Variants in RFX2 observed in about 807,000 individuals in gnomAD.
The protein encoded by RFX2 is DNA-binding protein RFX2.
Under a neutral mutation model 87.8 loss-of-function variants are expected in RFX2, and 20 were observed. The ratio of observed to expected loss-of-function variants is 0.23; its 90% CI spans 0.16 to 0.33. The LOEUF (loss-of-function observed/expected upper bound fraction) is 0.33. RFX2 is among the 10% of genes least tolerant of loss of function. RFX2 has a pLI of 1.00. For synonymous variants in RFX2, 397 were observed against 431.3 expected (o/e 0.92, Z 0.98); for missense variants, 767 against 1,012.3 (o/e 0.76, Z 3.29).
chr19:6,089,901 A>T (rs557266916), intron 1 of RFX2, among the ~76,000 whole-genome samples: 52 of 152,300 alleles, frequency 3.4e-4, no homozygotes, highest in African/African-American at 1.2e-3. Flanking sequence ...TGTGGATTAG[A>T]GAAAATTATT....
chr19:6,040,009 C>T lies in RFX2; in HGVS notation c.493G>A (p.Ala165Thr). 1.2e-6 allele frequency: 2 copies of T among 1,600,064 alleles called. No individual in the cohort carries two copies. The highest frequency in any genetic ancestry group is 1.7e-6 in the Non-Finnish European group (2 of 1,172,688). ...GCGGGCGATGAGCGGGAGGTGTGGG[C>T]CAGGGAGTGTCTGGTGCTGTCCATC... Reference protein sequence around the residue: ...GGMDSTRHSLAHTSRSSPATL... With the variant: ...GGMDSTRHSLTHTSRSSPATL... The change falls in exon 5 of 18, where the codon GCC (alanine) becomes ACC (threonine). Residue 165 changes from alanine to threonine, a missense_variant. Ala to Thr is a moderately conservative substitution (Grantham distance 58). Around this residue, in one of 2 missense-constraint regions of RFX2, gnomAD observed 621 missense variants for 873.0 expected, o/e 0.71. Coordinates refer to ENST00000303657, the MANE Select transcript of RFX2 (RefSeq NM_000635.4). This position sits in a 1 kb window ranked among gnomAD's most constrained non-coding sequence, Gnocchi z 6.1.
rs927662582 is a variant in RFX2, at chr19:6,016,226, G to T, written c.643C>A (p.Leu215Ile). 7.4e-6 allele frequency: 12 copies of T among 1,612,452 alleles called. No individual in the cohort carries two copies. The Admixed American group carries it at 1.3e-4, about 18-fold the overall frequency. Reference protein sequence around the residue: ...DNYETAEGVSLPRSSLYNHYL... With the variant: ...DNYETAEGVSIPRSSLYNHYL... ...TGGTTGTAAAGAGAACTTCTGGGGA[G>T]ACTCACACCTTCCGCTGTTTCATAA... The change falls in exon 7 of 18, where the codon CTC becomes ATC. Residue 215 changes from leucine to isoleucine, a missense_variant. Physicochemically the swap from Leu to Ile is conservative, Grantham distance 5. Transcript: ENST00000303657. This position sits in a 1 kb window ranked among gnomAD's most constrained non-coding sequence, Gnocchi z 5.4.
rs1411295402 is a variant in RFX2 at position 6,040,424 on chromosome 19, A to G, written c.261-183T>C. Among the ~76,000 whole-genome samples, 1 of 152,204 alleles carries G rather than the reference A, an allele frequency of 6.6e-6. No homozygotes were observed. Among genetic ancestry groups the G allele is most frequent in the Non-Finnish European group, 1.5e-5 (1 of 68,034 alleles). ...GCAAGTTCACAGCCACCATGTTGCAAAATCTTTAGGACCACAGGCTGACTT... is the reference window on the plus strand; with the variant it reads ...GCAAGTTCACAGCCACCATGTTGCAGAATCTTTAGGACCACAGGCTGACTT... On this transcript the variant is annotated intron_variant, in intron 4 of 17. Transcript: ENST00000303657. This position sits in a 1 kb window ranked among gnomAD's most constrained non-coding sequence, Gnocchi z 6.1.
rs2086378070 is a variant in RFX2, at chr19:5,994,635, A to G, written c.*200T>C. 1 of 581,118 alleles carries G rather than the reference A, an allele frequency of 1.7e-6. No homozygotes were observed. Among genetic ancestry groups the G allele is most frequent in the South Asian group, 2.0e-5 (1 of 48,892 alleles). The allele number at this position is 581,118 out of a possible 1,614,324, so 36.0% of individuals were successfully genotyped here. On this transcript the variant is annotated 3_prime_UTR_variant, in exon 18 of 18. Transcript: ENST00000303657. ...GGGGACCCAGAGCACAGCTACAGCC[A>G]GTGGGAGCCCTGGCCTGGGCTTCTG... is the stretch of plus-strand genomic sequence containing the variant.
At position 6,010,382 on chromosome 19, in the gene RFX2, A is replaced by G. The variant is rs1285497109; in HGVS notation, c.900-131T>C. 3.1e-6 allele frequency: 2 copies of G among 639,614 alleles called. No individual in the cohort carries two copies. The highest frequency in any genetic ancestry group is 5.7e-6 in the Non-Finnish European group (2 of 353,750). 39.6% of individuals were successfully genotyped at this position (639,614 alleles called of 1,614,324 possible). A position where few individuals can be genotyped will look rare whatever the true frequency, so the allele number is the denominator to read the frequency against. ...GTTTACAAGTTGCGGTCAAATACAC[A>G]TAACACAAAAGCTACCATCGGAACC... On this transcript the variant is annotated intron_variant, in intron 8 of 17. Coordinates refer to ENST00000303657, the MANE Select transcript of RFX2 (RefSeq NM_000635.4). The surrounding 1 kb of genome is among the most constrained non-coding windows in gnomAD (Gnocchi z 5.0).
chr19:6,041,162 G>A (rs1389396380), intron 4 of RFX2, among the ~76,000 whole-genome samples: 1 of 152,090 alleles, frequency 6.6e-6, no homozygotes, highest in Non-Finnish European at 1.5e-5. Context: ...TCAGCCTCCT[G>A]AGCTCAAGTG....
chr19:6,055,537 C>T (rs1045033574), intron 1 of RFX2, among the ~76,000 whole-genome samples: 3 of 152,212 alleles, frequency 2.0e-5, no homozygotes. Context: ...GATTCTCCCA[C>T]TTCAGCCTCC....
rs752998185 is a variant in RFX2 at position 6,039,962 on chromosome 19, C to T, written c.522+18G>A. The T allele has an allele frequency of 7.1e-6, 11 of 1,539,258 alleles. No homozygotes were observed. Among genetic ancestry groups the T allele is most frequent in the Non-Finnish European group, 8.8e-7 (1 of 1,134,316 alleles). On this transcript the variant is annotated intron_variant, in intron 5 of 17. Transcript: ENST00000303657. This position sits in a 1 kb window ranked among gnomAD's most constrained non-coding sequence, Gnocchi z 5.2. ...TACTCATGGCCTACCCTGCTGGTCCCAAGAGCCTCCTACATACCGTGGCGG... is the reference window on the plus strand; with the variant it reads ...TACTCATGGCCTACCCTGCTGGTCCTAAGAGCCTCCTACATACCGTGGCGG...
intron 5 of RFX2, among the ~76,000 whole-genome samples, chr19:6,038,053 G>A (rs556393453): frequency 5.3e-5 from 8 of 152,106 alleles, no homozygotes; most frequent in South Asian, 4.1e-4. Flanking sequence ...ATGGTCAGGC[G>A]CGGTGGCTCA....
chr19:6,070,035 G>A (rs1226377239), intron 1 of RFX2, among the ~76,000 whole-genome samples: 1 of 41,412 alleles, frequency 2.4e-5, no homozygotes, highest in South Asian at 1.4e-3. Context: ...ATGTGGATAG[G>A]ATGGGATGGG....
In RFX2 at chr19:6,044,169, C is replaced by T. The variant is rs373731041; in HGVS notation, c.180+24G>A. On this transcript the variant is annotated intron_variant, in intron 3 of 17. Transcript: ENST00000303657. The surrounding 1 kb of genome is among the most constrained non-coding windows in gnomAD (Gnocchi z 5.3). The stretch of plus-strand genomic sequence containing the variant: ...AGTGCTAACTGCGCCCCGGTTTGCA[C>T]GGTGCTGCGGTGCTTGTCATTACCT... 3.6e-5 allele frequency: 50 copies of T among 1,394,726 alleles called. No individual in the cohort carries two copies. The highest frequency in any genetic ancestry group is 2.6e-4 in the Admixed American group (9 of 34,048). The allele number at this position is 1,394,726 out of a possible 1,614,324, so 86.4% of individuals were successfully genotyped here.
Position 6,013,072 on chromosome 19 carries a change from A to G in RFX2, c.813T>C (p.Arg271=). Reference sequence around the variant, plus strand: ...GGTTCAGTGGTGAGTCCGGCTTCAGACGAATCCCATAGTAATGGTACTTCG... The same window carrying G: ...GGTTCAGTGGTGAGTCCGGCTTCAGGCGAATCCCATAGTAATGGTACTTCG... ...GNSKYHYYGI[R]LKPDSPLNRL... Residue 271 remains arginine (R), a synonymous_variant, in exon 8 of 18, where the codon CGT becomes CGC. Transcript: ENST00000303657. This position sits in a 1 kb window ranked among gnomAD's most constrained non-coding sequence, Gnocchi z 4.1. 6.2e-7 allele frequency: 1 copy of G among 1,600,214 alleles called. No homozygotes were observed. The highest frequency in any genetic ancestry group is 8.5e-7 in the Non-Finnish European group (1 of 1,173,854).
rs568988115 is a variant in RFX2 at position 6,064,913 on chromosome 19, C to T, written c.-8-17409G>A. Among the ~76,000 whole-genome samples the T allele has an allele frequency of 6.6e-6, 1 of 152,134 alleles. No homozygotes were observed. The highest frequency in any genetic ancestry group is 1.5e-5 in the Non-Finnish European group (1 of 68,024). On this transcript the variant is annotated intron_variant, in intron 1 of 17. Transcript: ENST00000303657. This position sits in a 1 kb window ranked among gnomAD's most constrained non-coding sequence, Gnocchi z 4.8. ...CATCTAAAACCACAGCATGGAGAGG[C>T]CCCTTTAAAAACCACCTAACCCAGC... is the stretch of plus-strand genomic sequence containing the variant.
intron 4 of RFX2, among the ~76,000 whole-genome samples, chr19:6,041,606 C>CTT (rs11363444): frequency 4.8e-4 from 68 of 140,494 alleles, no homozygotes; most frequent in Non-Finnish European, 7.7e-4. Context: ...TAGGATTAGC[C>CTT]TTTTTTTTTT....
In RFX2 at chr19:6,039,653, A is replaced by C. The variant is rs749998166; in HGVS notation, c.522+327T>G. Reference sequence around the variant, plus strand: ...ACGCCTCTAAAAGCTTGATAGTAACAACGATAACAATAATAAGAGCAAAGG... The same window carrying C: ...ACGCCTCTAAAAGCTTGATAGTAACCACGATAACAATAATAAGAGCAAAGG... On this transcript the variant is annotated intron_variant, in intron 5 of 17. Coordinates refer to ENST00000303657, the MANE Select transcript of RFX2 (RefSeq NM_000635.4). The surrounding 1 kb of genome is among the most constrained non-coding windows in gnomAD (Gnocchi z 5.2). Among the ~76,000 whole-genome samples the C allele has an allele frequency of 5.3e-5, 8 of 152,184 alleles. No individual in the cohort carries two copies. Among genetic ancestry groups the C allele is most frequent in the Non-Finnish European group, 1.0e-4 (7 of 68,016 alleles).
intron 1 of RFX2, chr19:6,057,168 T>G (rs2087356077): frequency 6.6e-6 from 1 of 152,190 alleles, no homozygotes; most frequent in Admixed American, 6.5e-5. Flanking sequence ...GCACTTGACC[T>G]TTTGGAGCCA....
intron 2 of RFX2, among the ~76,000 whole-genome samples, chr19:6,046,746 A>C (rs935899262): frequency 4.0e-5 from 6 of 150,582 alleles, no homozygotes; most frequent in African/African-American, 7.3e-5. Flanking sequence ...CAGGACGTGC[A>C]CCACTATGCC....
chr19:6,032,358 C>T (rs985257971), intron 5 of RFX2, among the ~76,000 whole-genome samples: 1 of 152,170 alleles, frequency 6.6e-6, no homozygotes, highest in African/African-American at 2.4e-5. Context: ...TCTCGATCTC[C>T]TGACCTTGTG....
rs1172375560 is a variant in RFX2, at chr19:6,063,949, T to C, written c.-8-16445A>G. ...CTTTACTCCACACAGCATTTCCAGA[T>C]TCACCAAACCACTCTCCGTGCTTGT... On this transcript the variant is annotated intron_variant, in intron 1 of 17. Coordinates refer to ENST00000303657, the MANE Select transcript of RFX2 (RefSeq NM_000635.4). The surrounding 1 kb of genome is among the most constrained non-coding windows in gnomAD (Gnocchi z 4.0). Among the ~76,000 whole-genome samples, 1 of 152,168 alleles carries C rather than the reference T, an allele frequency of 6.6e-6. No individual in the cohort carries two copies. The highest frequency in any genetic ancestry group is 1.9e-4 in the East Asian group (1 of 5,180).
Sources: allele counts gnomAD v4.1 joint callset (sites outside exome capture counted in the v4.1 genomes callset), GRCh38; gene constraint gnomAD v4.1.1; regional missense constraint gnomAD v4.1.1; non-coding constraint Gnocchi (gnomAD v3.1); transcripts MANE v1.5; gene names NCBI Gene and HGNC (gene_info 2026-07-23, HGNC 2026-07-21).